The following ADGRL2 variants were observed in gnomAD, a reference collection of about 807,000 sequenced individuals.
The protein encoded by ADGRL2 is calcium-independent alpha-latrotoxin receptor 2.
In ADGRL2, 44 loss-of-function variants were observed where a neutral mutation model predicts 157.4. The observed-to-expected ratio is 0.28, with a 90% CI of 0.22 to 0.36. The LOEUF (loss-of-function observed/expected upper bound fraction) is 0.36. Ranked by LOEUF, ADGRL2 falls within the 10% of genes least tolerant of loss-of-function variation. The pLI is 1.00. For synonymous variants in ADGRL2, 585 were observed against 624.7 expected (o/e 0.94, Z 0.95); for missense variants, 1,510 against 1,768.9 (o/e 0.85, Z 2.63).
chr1:81,317,883 T>C (rs1660222262), intron 1 of ADGRL2, among the ~76,000 whole-genome samples: 1 of 152,192 alleles, frequency 6.6e-6, no homozygotes, highest in Non-Finnish European at 1.5e-5. Context: ...GGCATGATTG[T>C]GTGTATATAG....
intron 1 of ADGRL2, among the ~76,000 whole-genome samples, chr1:81,831,809 G>A (rs1183612052): frequency 6.6e-6 from 1 of 151,950 alleles, no homozygotes; most frequent in African/African-American, 2.4e-5. Context: ...TTTTTCCTCA[G>A]TACACAACAT....
chr1:81,806,659 A>G (rs1246655964), intron 1 of ADGRL2, among the ~76,000 whole-genome samples: 2 of 152,084 alleles, frequency 1.3e-5, no homozygotes, highest in Non-Finnish European at 2.9e-5. Flanking sequence ...TGAATATTCA[A>G]ATAACACTCA....
chr1:81,562,604 G>A lies in ADGRL2; in HGVS notation c.-247-18272G>A, dbSNP rs371629830. On this transcript the variant is annotated intron_variant, in intron 2 of 24. Transcript: ENST00000370721. Reference sequence around the variant, plus strand: ...TCAATTACACAGTCTTTGTTTCTTTGCAACTACTTCCCAGTAGATTTTTCT... The same window carrying A: ...TCAATTACACAGTCTTTGTTTCTTTACAACTACTTCCCAGTAGATTTTTCT... Among the ~76,000 whole-genome samples the A allele has an allele frequency of 2.4e-4, 36 of 152,024 alleles. No individual in the cohort carries two copies. The East Asian group carries it at 3.9e-3, about 16-fold the overall frequency.
chr1:81,611,911 G>C lies in ADGRL2; in HGVS notation c.-143+30931G>C, dbSNP rs182490042. Among the ~76,000 whole-genome samples the C allele has an allele frequency of 6.9e-4, 105 of 152,188 alleles. 1 individual carries two copies. The highest frequency in any genetic ancestry group is 2.3e-3 in the African/African-American group (95 of 41,512). Reference sequence around the variant, plus strand: ...GAGGGAGTTCTCACGAGATCTGGTGGTTTGATAAGTGTCTGCAGTTTCCCC... The same window carrying C: ...GAGGGAGTTCTCACGAGATCTGGTGCTTTGATAAGTGTCTGCAGTTTCCCC... On this transcript the variant is annotated intron_variant, in intron 3 of 24. Coordinates refer to the ADGRL2 transcript ENST00000370721.
At chr1:81,484,912 G>A (rs1053632472) in intron 2 of ADGRL2, among the ~76,000 whole-genome samples, 2 of 152,052 alleles carry the variant, frequency 1.3e-5, no homozygotes, top group African/African-American at 4.8e-5. Context: ...TACCCATAAG[G>A]TGTTTACAAA....
intron 3 of ADGRL2, among the ~76,000 whole-genome samples, chr1:81,613,694 A>G (rs2081587760): frequency 6.6e-6 from 1 of 152,232 alleles, no homozygotes; most frequent in Non-Finnish European, 1.5e-5. Flanking sequence ...TAGAATGATC[A>G]GATTGTGTTT....
chr1:81,342,298 TACA>T (rs1205101826), intron 1 of ADGRL2, among the ~76,000 whole-genome samples: 2 of 152,212 alleles, frequency 1.3e-5, no homozygotes, highest in African/African-American at 4.8e-5. Context: ...CCATAGAAAT[TACA>T]ACAAATACTG....
In ADGRL2 at chr1:81,749,632, G is replaced by A. The variant is rs567415272; in HGVS notation, c.-142-12179G>A. On this transcript the variant is annotated intron_variant, in intron 1 of 20. Coordinates refer to the ADGRL2 transcript ENST00000359929. ...TAAATGAATACATAAACTAGACATT[G>A]GATGCTTTCAGAATATAATTTTATG... 3.9e-5 allele frequency among the ~76,000 whole-genome samples: 6 copies of A among 152,218 alleles called. No homozygotes were observed. The South Asian group carries it at 1.2e-3, about 32-fold the overall frequency.
chr1:81,595,592 T>A (rs2148608627), intron 3 of ADGRL2, among the ~76,000 whole-genome samples: 1 of 152,310 alleles, frequency 6.6e-6, no homozygotes, highest in East Asian at 1.9e-4. Context: ...CTGGGGCAAA[T>A]GTGGTCAAAA....
In ADGRL2 at chr1:81,752,738, G is replaced by A. The variant is rs146419860; in HGVS notation, c.-142-9073G>A. 2.7e-3 allele frequency among the ~76,000 whole-genome samples: 411 copies of A among 152,264 alleles called. 1 individual carries two copies. Among genetic ancestry groups the A allele is most frequent in the African/African-American group, 9.0e-3 (375 of 41,576 alleles). ...CCATGTTGCTGGGATACAGCCATTC[G>A]CCACTGTGCCCAGTTGGTTTTCTGT... is the stretch of plus-strand genomic sequence containing the variant. On this transcript the variant is annotated intron_variant, in intron 1 of 20. Transcript: ENST00000359929.
intron 1 of ADGRL2, among the ~76,000 whole-genome samples, chr1:81,325,726 A>G (rs958160475): frequency 1.3e-5 from 2 of 152,152 alleles, no homozygotes; most frequent in African/African-American, 2.4e-5. Context: ...TTGTGCTTAA[A>G]CTTAGCTTCA....
At chr1:81,730,903 A>G (rs1233213549) in intron 1 of ADGRL2, among the ~76,000 whole-genome samples, 1 of 151,106 alleles carries the variant, frequency 6.6e-6, no homozygotes, top group Non-Finnish European at 1.5e-5. Flanking sequence ...TTTAGCTAAT[A>G]TACACAGACA....
chr1:81,456,132 A>G (rs1031237830), intron 2 of ADGRL2, among the ~76,000 whole-genome samples: 3 of 152,240 alleles, frequency 2.0e-5, no homozygotes, highest in Non-Finnish European at 2.9e-5. Context: ...TCAAAGTGTT[A>G]CATAACAACA....
At chr1:81,811,112 C>T (rs2089821902) in intron 1 of ADGRL2, among the ~76,000 whole-genome samples, 1 of 151,804 alleles carries the variant, frequency 6.6e-6, no homozygotes, top group Non-Finnish European at 1.5e-5. Context: ...TAAAAATGTA[C>T]ATGAAACAAA....
chr1:81,811,954 G>T (rs1253530352), intron 1 of ADGRL2, among the ~76,000 whole-genome samples: 2 of 151,364 alleles, frequency 1.3e-5, no homozygotes, highest in African/African-American at 4.9e-5. Flanking sequence ...GAAATACACT[G>T]TCTGAGTATG....
chr1:81,503,111 C>G, intron 2 of ADGRL2: 3 of 1,612,850 alleles, frequency 1.9e-6, no homozygotes, highest in South Asian at 2.2e-5. Flanking sequence ...TCGAGGCTGT[C>G]TGAGGAGGAG....
intron 1 of ADGRL2, among the ~76,000 whole-genome samples, chr1:81,821,970 A>G (rs531920231): frequency 2.2e-4 from 34 of 151,612 alleles, no homozygotes; most frequent in African/African-American, 8.2e-4. Context: ...TCTGTAAATC[A>G]TTAATACTAA....
At chr1:81,722,306 A>C in intron 1 of ADGRL2, 1 of 584,220 alleles carries the variant, frequency 1.7e-6, no homozygotes, top group Non-Finnish European at 3.1e-6. Flanking sequence ...AAAAAAGAAA[A>C]TGCAGAGATA....
At chr1:81,338,062 T>C (rs1272642069) in intron 1 of ADGRL2, among the ~76,000 whole-genome samples, 1 of 152,186 alleles carries the variant, frequency 6.6e-6, no homozygotes. Flanking sequence ...ATTGACTTAC[T>C]ACAATTCAGA....
Sources: gnomAD v4.1 joint callset for allele counts (sites outside exome capture counted in the v4.1 genomes callset) on GRCh38, gnomAD v4.1.1 for gene constraint, MANE v1.5 for transcripts, NCBI Gene and HGNC (gene_info 2026-07-23, HGNC 2026-07-21) for gene names.